CORO7: variants seen among roughly 807,000 people sequenced by gnomAD.
CORO7 encodes coronin 7, also known as coronin-7.
CORO7 carries 107 observed loss-of-function variants against 126.6 expected under a neutral mutation model. The observed-to-expected ratio is 0.85, with a 90% CI of 0.72 to 0.99. The LOEUF (loss-of-function observed/expected upper bound fraction) is 0.99, where lower values mean the gene tolerates loss of function less well. Among genes scored for constraint, CORO7 ranks in the 50% least tolerant of loss-of-function variants. The pLI is 0.00. For synonymous variants in CORO7, 603 were observed against 536.8 expected, an observed-to-expected ratio of 1.12 and a Z score of -1.70; for missense variants, 1,314 against 1,255.8, an observed-to-expected ratio of 1.05 and a Z score of -0.70.
At chr16:4,381,281 G>C (rs147270770) in intron 9 of CORO7, 1 of 1,611,088 alleles carries the variant, frequency 6.2e-7, no homozygotes, top group Non-Finnish European at 8.5e-7. Context: ...GGCAAGAACC[G>C]CATCCGCCAC....
chr16:4,416,419 G>T, intron 1 of CORO7, 40 bp downstream of exon 1: 3 of 1,532,624 alleles, frequency 2.0e-6, no homozygotes, highest in East Asian at 5.3e-5. Context: ...AGCCGGACGG[G>T]GCCCGAGGCG....
chr16:4,415,009 G>A (rs2056354186), intron 1 of CORO7, among the ~76,000 whole-genome samples: 1 of 152,034 alleles, frequency 6.6e-6, no homozygotes, highest in Admixed American at 6.6e-5. Flanking sequence ...CCACGGGAGT[G>A]AGTCACCACA....
At chr16:4,401,331 C>G (rs527411718) in intron 6 of CORO7, among the ~76,000 whole-genome samples, 6 of 152,240 alleles carry the variant, frequency 3.9e-5, no homozygotes, top group Non-Finnish European at 8.8e-5. Flanking sequence ...TGGGCACACG[C>G]ATGGCTGGCA....
At chr16:4,374,759 T>TG (rs1031418038) in intron 9 of CORO7, among the ~76,000 whole-genome samples, 5 of 151,576 alleles carry the variant, frequency 3.3e-5, no homozygotes, top group African/African-American at 4.9e-5. Flanking sequence ...TGGGTGATTG[T>TG]GGGGGGTTCG....
intron 1 of CORO7, chr16:4,415,868 C>A (rs1357034965): frequency 1.0e-6 from 1 of 985,506 alleles, no homozygotes; most frequent in African/African-American, 1.7e-5. Flanking sequence ...CCAGGCCCCA[C>A]CCAGCCGTGG....
Position 4,395,325 on chromosome 16 carries a change from C to T in CORO7, c.579G>A (p.Arg193=), listed in dbSNP as rs1243330990. 7.4e-6 allele frequency: 12 copies of T among 1,613,950 alleles called. No individual in the cohort carries two copies. Among genetic ancestry groups the T allele is most frequent in the Non-Finnish European group, 1.0e-5 (12 of 1,180,018 alleles). ...VGTACKDKQL[R]IFDPRTKPRA... ...GCGGCTTTGTTCTGGGGTCAAAGAT[C>T]CGCAGCTGCTTGTCCTGGAAAAGCA... Residue 193 remains arginine, a synonymous_variant, in exon 7 of 28, where the codon CGG becomes CGA. Transcript: ENST00000251166.
rs1487381562 is a variant in CORO7 at position 4,365,641 on chromosome 16, T to C, written c.786-96A>G. 4 of 1,488,528 alleles carry C rather than the reference T, an allele frequency of 2.7e-6. No homozygotes were observed. The African/African-American group carries it at 5.6e-5, about 21-fold the overall frequency. 92.2% of individuals were successfully genotyped at this position (1,488,528 alleles called of 1,614,324 possible). A position where few individuals can be genotyped will look rare whatever the true frequency, so the allele number is the denominator to read the frequency against. On this transcript the variant is annotated intron_variant, in intron 9 of 27. Transcript: ENST00000251166. ...AGCCCAGGACAGGCACCACAGTGAC[T>C]GGGAGCCGCTTGGCCATCCAGCCAT...
At chr16:4,403,508 C>G (rs909294651) in intron 6 of CORO7, among the ~76,000 whole-genome samples, 1 of 152,152 alleles carries the variant, frequency 6.6e-6, no homozygotes, top group Non-Finnish European at 1.5e-5. Context: ...ACTCCCACGA[C>G]CCACTTAGGA....
intron 9 of CORO7, chr16:4,382,728 A>T (rs1228819398): frequency 6.4e-7 from 1 of 1,553,090 alleles, no homozygotes; most frequent in South Asian, 1.2e-5. Flanking sequence ...AGGTGGGGCC[A>T]GGGGCTGGGC....
chr16:4,361,897 C>T (rs1206358162), intron 16 of CORO7, 88 bp downstream of exon 16: 1 of 1,533,980 alleles, frequency 6.5e-7, no homozygotes, highest in Non-Finnish European at 8.8e-7. Context: ...GGTTTGTGCT[C>T]CCTGTGTTGT....
rs754541668 is a variant in CORO7, at chr16:4,364,625, T to C, written c.1109A>G (p.His370Arg). 7 of 1,570,862 alleles carry C rather than the reference T, an allele frequency of 4.5e-6. No homozygotes were observed. Among genetic ancestry groups the C allele is most frequent in the South Asian group, 2.3e-5 (2 of 85,776 alleles). ...CTGGTTGTCCCCAGCCCACCAGCTATGGGGGTCGGTGGCAGGCACACAGCC... is the reference window on the plus strand; with the variant it reads ...CTGGTTGTCCCCAGCCCACCAGCTACGGGGGTCGGTGGCAGGCACACAGCC... ...TAGCVPATDP[H>R]SWWAGDNQQV... Residue 370 changes from histidine to arginine, a missense_variant, in exon 13 of 28, where the codon CAT becomes CGT. By Grantham distance (29) the His-to-Arg change is conservative. Coordinates refer to ENST00000251166, the MANE Select transcript of CORO7 (RefSeq NM_024535.5).
intron 26 of CORO7, chr16:4,356,687 G>A (rs533135379): frequency 1.8e-5 from 3 of 168,364 alleles, no homozygotes; most frequent in Admixed American, 1.7e-4. Flanking sequence ...CCTGCCTTGG[G>A]CTCCCAAAGT....
chr16:4,373,952 C>A (rs2054622291), intron 9 of CORO7, among the ~76,000 whole-genome samples: 1 of 152,180 alleles, frequency 6.6e-6, no homozygotes. Flanking sequence ...AGTGACCTCT[C>A]CTGGACCCCC....
intron 4 of CORO7, 43 bp downstream of exon 4, chr16:4,408,138 C>A (rs369957136): frequency 1.2e-6 from 2 of 1,613,420 alleles, no homozygotes; most frequent in Non-Finnish European, 8.5e-7. Context: ...CCCTGGACTA[C>A]GGGCTGGGAC....
chr16:4,364,373 G>T lies in CORO7; in HGVS notation c.1178C>A (p.Pro393Gln). The change falls in exon 14 of 28, where the codon CCG becomes CAG. Residue 393 changes from proline (P) to glutamine (Q), a missense_variant. Coordinates refer to ENST00000251166, the MANE Select transcript of CORO7 (RefSeq NM_024535.5). Reference protein sequence around the residue: ...VSLNPACRPHPSFTSCLVPPA... With the variant: ...VSLNPACRPHQSFTSCLVPPA... ...GGGCACCAGACAGGAAGTGAAGCTCGGGTGGGGCCGGCAGGCGGGGTTGAG... is the reference window on the plus strand; with the variant it reads ...GGGCACCAGACAGGAAGTGAAGCTCTGGTGGGGCCGGCAGGCGGGGTTGAG... 1 of 1,516,560 alleles carries T rather than the reference G, an allele frequency of 6.6e-7. No homozygotes were observed. The highest frequency in any genetic ancestry group is 8.8e-7 in the Non-Finnish European group (1 of 1,134,960). The allele number at this position is 1,516,560 out of a possible 1,614,324, so 93.9% of individuals were successfully genotyped here.
chr16:4,387,753 G>T, intron 9 of CORO7: 1 of 584,462 alleles, frequency 1.7e-6, no homozygotes, highest in South Asian at 2.1e-5. Flanking sequence ...GTGACCAAGG[G>T]CCCACTCTGC....
chr16:4,357,956 C>A lies in CORO7; in HGVS notation c.2593+12G>T, dbSNP rs1399594932. ...ATCCCGCTTCCTCCCCACACCCAGT[C>A]CCTCGGTGCACCTGGGCTCATGTCA... On this transcript the variant is annotated intron_variant, in intron 25 of 27. Coordinates refer to ENST00000251166, the MANE Select transcript of CORO7 (RefSeq NM_024535.5). The A allele has an allele frequency of 1.9e-6, 3 of 1,591,700 alleles. No homozygotes were observed. Among genetic ancestry groups the A allele is most frequent in the Non-Finnish European group, 2.6e-6 (3 of 1,162,622 alleles).
At chr16:4,400,825 A>AATAATAATG (rs1555480047) in intron 6 of CORO7, among the ~76,000 whole-genome samples, 2 of 149,670 alleles carry the variant, frequency 1.3e-5, no homozygotes, top group African/African-American at 4.9e-5. Flanking sequence ...TAATAATAAT[A>AATAATAATG]ATAATAATGT....
chr16:4,381,618 C>T lies in CORO7; in HGVS notation c.785+6368G>A, dbSNP rs573192605. 4.8e-4 allele frequency: 764 copies of T among 1,597,420 alleles called. 11 individuals are homozygous for T. In the South Asian group the frequency reaches 8.0e-3, roughly 17 times the overall value. On this transcript the variant is annotated intron_variant, in intron 9 of 27. Coordinates refer to ENST00000251166, the MANE Select transcript of CORO7 (RefSeq NM_024535.5). The stretch of plus-strand genomic sequence containing the variant: ...GGGGCCTGACGCGCCTGCGGCTGGC[C>T]GGCAACACCCGCATTGCCCAGCTGC...
Sources: allele counts gnomAD v4.1 joint callset (sites outside exome capture counted in the v4.1 genomes callset), GRCh38; gene constraint gnomAD v4.1.1; transcripts MANE v1.5; gene names NCBI Gene and HGNC (gene_info 2026-07-23, HGNC 2026-07-21).